The following UBE3C variants were observed in gnomAD, a reference collection of about 807,000 sequenced individuals.
UBE3C encodes ubiquitin-protein ligase E3C.
Under a neutral mutation model 129.4 loss-of-function variants are expected in UBE3C, and 42 were observed. The observed-to-expected ratio is 0.32, with a 90% CI of 0.25 to 0.42. UBE3C has a LOEUF of 0.42. UBE3C is among the 10% of genes least tolerant of loss of function. The pLI, the probability that UBE3C is intolerant of heterozygous loss-of-function variation, is 1.00. For missense variants in UBE3C, 1,049 were observed against 1,319.1 expected, an observed-to-expected ratio of 0.80 and a Z score of 3.17; for synonymous variants, 510 against 492.4, an observed-to-expected ratio of 1.04 and a Z score of -0.47.
At chr7:157,141,181 C>G (rs7784588) in intron 1 of UBE3C, among the ~76,000 whole-genome samples, 4 of 152,102 alleles carry the variant, frequency 2.6e-5, no homozygotes, top group Non-Finnish European at 5.9e-5. Flanking sequence ...TAGGAACTGG[C>G]AGCAGCTGGG....
chr7:157,177,719 GTC>G (rs1253280758), intron 5 of UBE3C, among the ~76,000 whole-genome samples: 1 of 152,128 alleles, frequency 6.6e-6, no homozygotes, highest in African/African-American at 2.4e-5. Flanking sequence ...CTCACCCCCT[GTC>G]TCTCCTGGGC....
chr7:157,181,318 G>A (rs980323586), intron 6 of UBE3C, among the ~76,000 whole-genome samples, 200 bp from the exon 7 acceptor site: 4 of 152,210 alleles, frequency 2.6e-5, no homozygotes, highest in Admixed American at 6.5e-5. Context: ...GAGATTGGCT[G>A]TAGTTGACAG....
chr7:157,225,083 A>G (rs1181885221), intron 16 of UBE3C, among the ~76,000 whole-genome samples: 1 of 151,922 alleles, frequency 6.6e-6, no homozygotes, highest in Non-Finnish European at 1.5e-5. Context: ...GGCGCCTGCA[A>G]CCTCTGCCTC....
intron 17 of UBE3C, among the ~76,000 whole-genome samples, chr7:157,226,857 C>T (rs1584802655): frequency 6.6e-6 from 1 of 151,938 alleles, no homozygotes; most frequent in African/African-American, 2.4e-5. Context: ...CCAGGTTTGT[C>T]TTGCCTAGCA....
chr7:157,185,574 C>G (rs1171719403), intron 9 of UBE3C, among the ~76,000 whole-genome samples: 2 of 152,136 alleles, frequency 1.3e-5, no homozygotes, highest in Non-Finnish European at 2.9e-5. Flanking sequence ...ATGTCTCTTA[C>G]CTGTATGTTT....
intron 1 of UBE3C, among the ~76,000 whole-genome samples, chr7:157,153,996 G>C (rs187306068): frequency 0.022 from 2,242 of 101,558 alleles, 44 homozygotes; most frequent in African/African-American, 0.072. Flanking sequence ...GGCCCTGTCT[G>C]GGGGGGGAAA....
intron 10 of UBE3C, among the ~76,000 whole-genome samples, chr7:157,191,255 GTA>G (rs1463383809): frequency 7.2e-5 from 11 of 152,292 alleles, no homozygotes; most frequent in African/African-American, 2.2e-4. Flanking sequence ...ACGCGCGTGT[GTA>G]TGTGTGTGTG....
At chr7:157,215,133 G>A (rs1809698848) in intron 13 of UBE3C, among the ~76,000 whole-genome samples, 2 of 152,308 alleles carry the variant, frequency 1.3e-5, no homozygotes, top group African/African-American at 4.8e-5. Flanking sequence ...TTATAAAGGT[G>A]CATCTTTGAT....
At chr7:157,237,454 A>G (rs1013150550) in intron 18 of UBE3C, among the ~76,000 whole-genome samples, 1 of 152,124 alleles carries the variant, frequency 6.6e-6, no homozygotes, top group African/African-American at 2.4e-5. Flanking sequence ...AAAAAAGAAA[A>G]GATTTCTCAC....
chr7:157,262,121 A>G (rs928963051), intron 22 of UBE3C, among the ~76,000 whole-genome samples: 4 of 152,178 alleles, frequency 2.6e-5, no homozygotes, highest in African/African-American at 4.8e-5. Flanking sequence ...CAAAAATGCA[A>G]TGCTTCCTTT....
chr7:157,254,046 C>T lies in UBE3C; in HGVS notation c.2787C>T (p.Asn929=). Residue 929 remains asparagine, a synonymous_variant, in exon 20 of 23, where the codon AAC becomes AAT. Transcript: ENST00000348165. ...ACTTGGTGGCAGACTACAGGCTGAA[C>T]AGGCAGATCCGCCAGCACTGCCTGG... is the stretch of plus-strand genomic sequence containing the variant. ...YIHLVADYRL[N]RQIRQHCLAF... is the part of the protein sequence containing the mutation. The T allele has an allele frequency of 6.2e-7, 1 of 1,613,812 alleles. No individual in the cohort carries two copies. Among genetic ancestry groups the T allele is most frequent in the Non-Finnish European group, 8.5e-7 (1 of 1,179,906 alleles).
Position 157,182,224 on chromosome 7 carries a change from C to G in UBE3C, c.887C>G (p.Pro296Arg). Residue 296 changes from proline to arginine, a missense_variant, in exon 8 of 23, where the codon CCC becomes CGC. By Grantham distance (103) the Pro-to-Arg change is moderately radical. Coordinates refer to ENST00000348165, the MANE Select transcript of UBE3C (RefSeq NM_014671.3). ...GCGCAGACCGTTTTCCCTTACGAGC[C>G]CTTTCTGAATGCACTGTTGTTAATA... is the stretch of plus-strand genomic sequence containing the variant. ...ADAQTVFPYE[P>R]FLNALLLIES... The G allele has an allele frequency of 6.2e-7, 1 of 1,614,188 alleles. No homozygotes were observed. Among genetic ancestry groups the G allele is most frequent in the Non-Finnish European group, 8.5e-7 (1 of 1,180,032 alleles).
At chr7:157,162,695 G>A (rs537962601) in intron 1 of UBE3C, among the ~76,000 whole-genome samples, 2 of 151,768 alleles carry the variant, frequency 1.3e-5, no homozygotes, top group South Asian at 2.1e-4. Context: ...ACATACTGCT[G>A]CACCCAACTA....
chr7:157,226,388 T>G (rs1795879802), intron 17 of UBE3C, among the ~76,000 whole-genome samples: 1 of 152,216 alleles, frequency 6.6e-6, no homozygotes, highest in Non-Finnish European at 1.5e-5. Context: ...GCTATTAACC[T>G]CTAATATATT....
chr7:157,264,238 T>TAC (rs139566083), intron 22 of UBE3C, among the ~76,000 whole-genome samples: 16,933 of 125,420 alleles, frequency 0.14, 1,321 homozygotes, highest in African/African-American at 0.18. Flanking sequence ...CTCGGCCTGT[T>TAC]ACACACACAC....
At position 157,206,949 on chromosome 7, in the gene UBE3C, CG is replaced by C. The variant is rs371531304; in HGVS notation, c.1419-448del. 6.6e-4 allele frequency among the ~76,000 whole-genome samples: 101 copies of C among 152,302 alleles called. 1 individual carries two copies. In the East Asian group the frequency reaches 0.017, roughly 25 times the overall value. On this transcript the variant is annotated intron_variant, in intron 11 of 22. Transcript: ENST00000348165. Reference sequence around the variant, plus strand: ...GGCTTCAATATTGAATAGCTTTCAACGTTACCAAAAGTTAAGTCGCTGGATA... The same window carrying C: ...GGCTTCAATATTGAATAGCTTTCAACTTACCAAAAGTTAAGTCGCTGGATA...
In UBE3C at chr7:157,181,680, G is replaced by A. The variant is rs1808670858; in HGVS notation, c.770+9G>A. 6.2e-7 allele frequency: 1 copy of A among 1,610,664 alleles called. No individual in the cohort carries two copies. Among genetic ancestry groups the A allele is most frequent in the African/African-American group, 1.3e-5 (1 of 74,738 alleles). ...TGTCCGGAAGGTGCGAGGTGAGACT[G>A]GAATGGATTTATTGATTTTGTCCTT... On this transcript the variant is annotated intron_variant, in intron 7 of 22. Coordinates refer to ENST00000348165, the MANE Select transcript of UBE3C (RefSeq NM_014671.3).
chr7:157,240,938 C>CTCTCAGGA (rs1209691467), intron 18 of UBE3C, among the ~76,000 whole-genome samples: 1 of 152,144 alleles, frequency 6.6e-6, no homozygotes, highest in Non-Finnish European at 1.5e-5. Context: ...GTGTGTTGGA[C>CTCTCAGGA]TCTCAGGAGC....
At chr7:157,156,868 C>G (rs1243826936) in intron 1 of UBE3C, among the ~76,000 whole-genome samples, 1 of 152,010 alleles carries the variant, frequency 6.6e-6, no homozygotes, top group East Asian at 1.9e-4. Flanking sequence ...GTAGTGAATG[C>G]CCTATAATTT....
Sources: allele counts gnomAD v4.1 joint callset (sites outside exome capture counted in the v4.1 genomes callset), GRCh38; gene constraint gnomAD v4.1.1; transcripts MANE v1.5; gene names NCBI Gene and HGNC (gene_info 2026-07-23, HGNC 2026-07-21).